The following TNS3 variants were observed in gnomAD, a reference collection of about 807,000 sequenced individuals.
TNS3 encodes the protein tensin 3, also known as tensin-3.
A neutral mutation model predicts 140.9 loss-of-function variants in TNS3; 45 were observed. The ratio of observed to expected loss-of-function variants is 0.32; its 90% CI spans 0.25 to 0.41. The LOEUF (loss-of-function observed/expected upper bound fraction) is 0.41. TNS3 is among the 10% of genes least tolerant of loss of function. The probability of loss-of-function intolerance (pLI) is 1.00; values close to 1 mark genes in which losing one functional copy is unlikely to be tolerated. For synonymous variants in TNS3, 815 were observed against 788.4 expected, an observed-to-expected ratio of 1.03 and a Z score of -0.56; for missense variants, 1,716 against 1,906.7, an observed-to-expected ratio of 0.90 and a Z score of 1.86.
chr7:47,495,635 C>T (rs1227722644), intron 3 of TNS3, among the ~76,000 whole-genome samples: 1 of 152,138 alleles, frequency 6.6e-6, no homozygotes, highest in Non-Finnish European at 1.5e-5. Context: ...CCACTGGGAA[C>T]CTACACTCAG....
chr7:47,288,669 A>T (rs1458133283), intron 27 of TNS3, among the ~76,000 whole-genome samples: 1 of 152,136 alleles, frequency 6.6e-6, no homozygotes, highest in Non-Finnish European at 1.5e-5. Context: ...GACCCCCTAA[A>T]ACAGATTTAG....
At chr7:47,515,943 G>A (rs1798764428) in intron 2 of TNS3, among the ~76,000 whole-genome samples, 1 of 152,170 alleles carries the variant, frequency 6.6e-6, no homozygotes, top group African/African-American at 2.4e-5. Context: ...AATGCTGGCA[G>A]GCTGTCTCCA....
rs1467045596 is a variant in TNS3, at chr7:47,478,618, T to A, written c.-76+2485A>T. On this transcript the variant is annotated intron_variant, in intron 4 of 30. Coordinates refer to ENST00000311160, the MANE Select transcript of TNS3 (RefSeq NM_022748.12). ...TTCACATGTGTAACATTTATATACA[T>A]AATATATGCATACAAACCTTCATAT... 2.0e-5 allele frequency among the ~76,000 whole-genome samples: 3 copies of A among 152,198 alleles called. No individual in the cohort carries two copies. The East Asian group carries it at 5.8e-4, about 29-fold the overall frequency.
At chr7:47,324,341 T>A (rs1787911092) in intron 20 of TNS3, among the ~76,000 whole-genome samples, 1 of 152,262 alleles carries the variant, frequency 6.6e-6, no homozygotes, top group South Asian at 2.1e-4. Flanking sequence ...CTGCTGGCAC[T>A]CTGACTGGAA....
intron 4 of TNS3, among the ~76,000 whole-genome samples, chr7:47,444,388 A>G (rs1795618598): frequency 6.7e-6 from 1 of 149,686 alleles, no homozygotes; most frequent in South Asian, 2.1e-4. Context: ...TTTGACCGTG[A>G]AAGACTGGCA....
chr7:47,324,617 T>C (rs1787927387), intron 20 of TNS3, among the ~76,000 whole-genome samples: 1 of 152,088 alleles, frequency 6.6e-6, no homozygotes, highest in South Asian at 2.1e-4. Flanking sequence ...CCGTGTGTGG[T>C]GGTGCACATC....
intron 9 of TNS3, 65 bp from the exon 10 acceptor site, chr7:47,424,249 G>C (rs543218508): frequency 1.3e-6 from 2 of 1,531,942 alleles, no homozygotes; most frequent in South Asian, 2.3e-5. Context: ...GGTACTTGAC[G>C]GGGGATGTGT....
At chr7:47,378,165 A>G (rs1307534540) in intron 16 of TNS3, among the ~76,000 whole-genome samples, 1 of 151,992 alleles carries the variant, frequency 6.6e-6, no homozygotes, top group Non-Finnish European at 1.5e-5. Flanking sequence ...CATTGGGCAA[A>G]CCCTCCTTTC....
At chr7:47,517,719 C>A (rs1490137880) in intron 2 of TNS3, among the ~76,000 whole-genome samples, 1 of 152,128 alleles carries the variant, frequency 6.6e-6, no homozygotes, top group African/African-American at 2.4e-5. Context: ...AAAGGAAAAT[C>A]AACAGGAACC....
chr7:47,578,429 C>G (rs2152029526), intron 1 of TNS3, among the ~76,000 whole-genome samples: 1 of 152,238 alleles, frequency 6.6e-6, no homozygotes, highest in South Asian at 2.1e-4. Context: ...TTGATGGCCC[C>G]CATCCTCAGT....
intron 1 of TNS3, among the ~76,000 whole-genome samples, chr7:47,530,840 T>A (rs71545996): frequency 0.21 from 13,998 of 67,968 alleles, 1,524 homozygotes; most frequent in East Asian, 0.51. Flanking sequence ...AAAAAAAAAA[T>A]ATATATATAT....
chr7:47,444,827 T>C (rs116887986), intron 4 of TNS3, among the ~76,000 whole-genome samples: 6,250 of 152,278 alleles, frequency 0.041, 162 homozygotes, highest in Non-Finnish European at 0.058. Flanking sequence ...CCAATAGTTA[T>C]ATAATTTCTA....
In TNS3 at chr7:47,435,318, G is replaced by T. The variant is rs760108036; in HGVS notation, c.288C>A (p.Asn96Lys). The change falls in exon 8 of 31, where the codon AAC becomes AAA. Residue 96 changes from asparagine to lysine, a missense_variant. Asn to Lys is a moderately conservative substitution (Grantham distance 94). This residue lies in a region of TNS3 where 337 missense variants were observed against 428.9 expected (regional missense o/e 0.79). Transcript: ENST00000311160. ...TGACGACCACATGCTGGAGGTTGCTGTTCAGCCAGGACTCCTGCGCCTTGC... is the reference window on the plus strand; with the variant it reads ...TGACGACCACATGCTGGAGGTTGCTTTTCAGCCAGGACTCCTGCGCCTTGC... ...TICKAQESWLNSNLQHVVVIH... is the reference protein window; with the variant it reads ...TICKAQESWLKSNLQHVVVIH... 6.8e-6 allele frequency: 11 copies of T among 1,614,146 alleles called. No homozygotes were observed. The highest frequency in any genetic ancestry group is 9.3e-6 in the Non-Finnish European group (11 of 1,180,016).
chr7:47,453,332 G>A, intron 4 of TNS3: 1 of 845,974 alleles, frequency 1.2e-6, no homozygotes. Context: ...GCCTTCCTGG[G>A]GACTAGCCAC....
At position 47,375,674 on chromosome 7, in the gene TNS3, A is replaced by G. The variant is rs141364622; in HGVS notation, c.1025-6053T>C. Among the ~76,000 whole-genome samples, 1,153 of 152,340 alleles carry G rather than the reference A, an allele frequency of 7.6e-3. 20 individuals are homozygous for G. The highest frequency in any genetic ancestry group is 0.025 in the African/African-American group (1,052 of 41,578). The stretch of plus-strand genomic sequence containing the variant: ...GAGAAGACCAAAAAAATATATGAAA[A>G]CATCCCTTCCATCCCGGTTGAAAAC... On this transcript the variant is annotated intron_variant, in intron 16 of 30. Transcript: ENST00000311160.
intron 27 of TNS3, among the ~76,000 whole-genome samples, chr7:47,290,424 G>T (rs1270589096): frequency 6.6e-6 from 1 of 152,028 alleles, no homozygotes; most frequent in Non-Finnish European, 1.5e-5. Flanking sequence ...GCCATGAAAT[G>T]GAAGAAAATA....
At chr7:47,474,263 CAA>C (rs370965114) in intron 4 of TNS3, among the ~76,000 whole-genome samples, 17 of 146,318 alleles carry the variant, frequency 1.2e-4, no homozygotes, top group African/African-American at 4.2e-4. Flanking sequence ...ATCACATACA[CAA>C]AACACTTCAC....
Position 47,573,542 on chromosome 7 carries a change from G to T in TNS3, c.-265+8509C>A, listed in dbSNP as rs1800606448. ...CCCTTTGCTACTCCAGAACACAGCA[G>T]GTGGCCCTGCCCAGGGCCTCTGCCC... On this transcript the variant is annotated intron_variant, in intron 1 of 30. Coordinates refer to ENST00000311160, the MANE Select transcript of TNS3 (RefSeq NM_022748.12). Among the ~76,000 whole-genome samples the T allele has an allele frequency of 2.6e-5, 4 of 152,324 alleles. No individual in the cohort carries two copies. In the South Asian group the frequency reaches 8.3e-4, roughly 32 times the overall value.
chr7:47,406,683 A>C (rs1223967646), intron 13 of TNS3, among the ~76,000 whole-genome samples: 1 of 152,198 alleles, frequency 6.6e-6, no homozygotes, highest in Non-Finnish European at 1.5e-5. Flanking sequence ...CAGGGTGTAA[A>C]TCTATGCACA....
Sources: gnomAD v4.1 joint callset for allele counts (sites outside exome capture counted in the v4.1 genomes callset) on GRCh38, gnomAD v4.1.1 for gene constraint, gnomAD v4.1.1 regional missense constraint, MANE v1.5 for transcripts, NCBI Gene and HGNC (gene_info 2026-07-23, HGNC 2026-07-21) for gene names.